The following TTC9B variants were observed in gnomAD, a reference collection of about 807,000 sequenced individuals.
The protein encoded by TTC9B is tetratricopeptide repeat domain 9B.
A neutral mutation model predicts 19.4 loss-of-function variants in TTC9B; 12 were observed. The observed-to-expected ratio is 0.62, with a 90% CI of 0.40 to 1.00. The LOEUF (loss-of-function observed/expected upper bound fraction) is 1.00. TTC9B is among the 50% of genes least tolerant of loss of function. The pLI is 0.00. For synonymous variants in TTC9B, 156 were observed against 158.6 expected (o/e 0.98, Z 0.12); for missense variants, 316 against 345.2 (o/e 0.92, Z 0.67).
At chr19:40,216,319 A>G (rs757150176) in intron 2 of TTC9B, 47 bp from the exon 3 acceptor site, 3 of 1,498,486 alleles carry the variant, frequency 2.0e-6, no homozygotes, top group East Asian at 2.3e-5. Context: ...CCGGGGCAGC[A>G]GGTGACTTCC....
At position 40,218,322 on chromosome 19, in the gene TTC9B, C is replaced by A. The variant is rs924508707; in HGVS notation, c.60G>T (p.Pro20=). The change falls in exon 1 of 3, where the codon CCG becomes CCT. Residue 20 remains proline, a synonymous_variant. Coordinates refer to ENST00000311308, the MANE Select transcript of TTC9B (RefSeq NM_152479.6). The surrounding 1 kb of genome is among the most constrained non-coding windows in gnomAD (Gnocchi z 4.2). ...GTGGGGAGAGGGCGGGAGGCGGGCG[C>A]GGCGGAGGCTCCGGGGCAGCGCTGA... is the stretch of plus-strand genomic sequence containing the variant. ...LMLSAAPEPP[P]RPPPALSPPG... The A allele has an allele frequency of 7.3e-7, 1 of 1,366,030 alleles. No individual in the cohort carries two copies. Among genetic ancestry groups the A allele is most frequent in the African/African-American group, 1.5e-5 (1 of 65,168 alleles). The allele number at this position is 1,366,030 out of a possible 1,614,324, so 84.6% of individuals were successfully genotyped here.
intron 1 of TTC9B, 71 bp downstream of exon 1, chr19:40,217,884 C>T: frequency 7.5e-7 from 1 of 1,341,784 alleles, no homozygotes; most frequent in Non-Finnish European, 9.7e-7. Context: ...GGCCCCTGGC[C>T]CCCAAGTCGC....
chr19:40,216,686 C>T (rs1973371884), intron 2 of TTC9B: 1 of 302,150 alleles, frequency 3.3e-6, no homozygotes, highest in African/African-American at 2.1e-5. Flanking sequence ...GTCTGCCCTC[C>T]TGCACTCATG....
chr19:40,218,306 G>A lies in TTC9B; in HGVS notation c.76C>T (p.Leu26Phe). ...PEPPPRPPPALSPPGSGPGSG... is the reference protein window; with the variant it reads ...PEPPPRPPPAFSPPGSGPGSG... ...CCTGGGCCCGAGCCCGGTGGGGAGA[G>A]GGCGGGAGGCGGGCGCGGCGGAGGC... Residue 26 changes from leucine (L) to phenylalanine (F), a missense_variant, in exon 1 of 3, where the codon CTC becomes TTC. By Grantham distance (22) the Leu-to-Phe change is conservative. Transcript: ENST00000311308. This position sits in a 1 kb window ranked among gnomAD's most constrained non-coding sequence, Gnocchi z 4.2. The A allele has an allele frequency of 4.3e-6, 6 of 1,381,778 alleles. No homozygotes were observed. The highest frequency in any genetic ancestry group is 3.9e-5 in the Admixed American group (1 of 25,448). 85.6% of individuals were successfully genotyped at this position (1,381,778 alleles called of 1,614,324 possible). A position where few individuals can be genotyped will look rare whatever the true frequency, so the allele number is the denominator to read the frequency against.
intron 2 of TTC9B, chr19:40,216,844 G>A: frequency 2.2e-6 from 1 of 448,996 alleles, no homozygotes; most frequent in Non-Finnish European, 4.1e-6. Flanking sequence ...CGGTAGGCAG[G>A]GGTGGGACGG....
chr19:40,217,967 C>T lies in TTC9B; in HGVS notation c.415G>A (p.Asp139Asn). 7.4e-7 allele frequency: 1 copy of T among 1,343,886 alleles called. No homozygotes were observed. The highest frequency in any genetic ancestry group is 1.3e-5 in the South Asian group (1 of 78,468). The allele number at this position is 1,343,886 out of a possible 1,614,324, so 83.2% of individuals were successfully genotyped here. ...LVESTEVECYDSLTACLLQSE... is the reference protein window; with the variant it reads ...LVESTEVECYNSLTACLLQSE... ...CCCGACGGCGTACCCGTGAGGGAGT[C>T]GTAACACTCCACCTCCGTGCTCTCC... The change falls in exon 1 of 3, where the codon GAC (aspartate) becomes AAC (asparagine). Residue 139 changes from aspartate to asparagine, a missense_variant. By Grantham distance (23) the Asp-to-Asn change is conservative (BLOSUM62 1). Coordinates refer to ENST00000311308, the MANE Select transcript of TTC9B (RefSeq NM_152479.6).
At chr19:40,217,784 C>G in intron 1 of TTC9B, 171 bp downstream of exon 1, 1 of 615,188 alleles carries the variant, frequency 1.6e-6, no homozygotes, top group Non-Finnish European at 2.6e-6. Context: ...CAGCCACAGA[C>G]CCCTGTCATC....
intron 1 of TTC9B, 29 bp from the exon 2 acceptor site, chr19:40,217,398 A>G: frequency 1.2e-6 from 2 of 1,603,310 alleles, no homozygotes; most frequent in Non-Finnish European, 1.7e-6. Flanking sequence ...CGGCACTCTC[A>G]GAGCCTGCTG....
intron 2 of TTC9B, chr19:40,216,486 C>A (rs1973369774): frequency 1.8e-6 from 1 of 553,436 alleles, no homozygotes; most frequent in Non-Finnish European, 3.2e-6. Context: ...ATTTGCGGCA[C>A]CCTCTGCCAG....
chr19:40,217,705 GA>G, intron 1 of TTC9B: 1 of 518,604 alleles, frequency 1.9e-6, no homozygotes, highest in African/African-American at 2.0e-5. Flanking sequence ...GGGGTGGAAA[GA>G]ATGACTCAGG....
intron 2 of TTC9B, 43 bp downstream of exon 2, chr19:40,217,144 G>T: frequency 6.4e-7 from 1 of 1,573,534 alleles, no homozygotes. Context: ...CCCTTTCCCC[G>T]CCCTGGGCCC....
Position 40,216,061 on chromosome 19 carries a change from T to A in TTC9B, c.*102A>T. On this transcript the variant is annotated 3_prime_UTR_variant, in exon 3 of 3. Coordinates refer to ENST00000311308, the MANE Select transcript of TTC9B (RefSeq NM_152479.6). ...CCCCCCAAGAACACCACACAAGTTA[T>A]GATCACCAGTGACAAGTGTTTTACC... 1.0e-6 allele frequency: 1 copy of A among 971,348 alleles called. No individual in the cohort carries two copies. The highest frequency in any genetic ancestry group is 2.4e-5 in the East Asian group (1 of 41,110). 60.2% of individuals were successfully genotyped at this position (971,348 alleles called of 1,614,324 possible). A position where few individuals can be genotyped will look rare whatever the true frequency, so the allele number is the denominator to read the frequency against.
Position 40,216,126 on chromosome 19 carries a change from G to A in TTC9B, c.*37C>T, listed in dbSNP as rs778221784. On this transcript the variant is annotated 3_prime_UTR_variant, in exon 3 of 3. Transcript: ENST00000311308. The stretch of plus-strand genomic sequence containing the variant: ...TCGGGGGAAGTTACATGGTGAGGTG[G>A]GAGGGCGAGGGATAGAGAGGTCCCC... The A allele has an allele frequency of 9.6e-5, 147 of 1,528,816 alleles. No individual in the cohort carries two copies. In the East Asian group the frequency reaches 3.1e-3, roughly 32 times the overall value. 94.7% of individuals were successfully genotyped at this position (1,528,816 alleles called of 1,614,324 possible). A position where few individuals can be genotyped will look rare whatever the true frequency, so the allele number is the denominator to read the frequency against.
intron 2 of TTC9B, 42 bp from the exon 3 acceptor site, chr19:40,216,314 G>A (rs777454253): frequency 7.8e-6 from 12 of 1,534,014 alleles, no homozygotes; most frequent in Admixed American, 1.7e-5. Context: ...GTGTCCCGGG[G>A]CAGCAGGTGA....
Position 40,217,384 on chromosome 19 carries a change from C to A in TTC9B, c.428-15G>T. 6.2e-7 allele frequency: 1 copy of A among 1,606,966 alleles called. No homozygotes were observed. Among genetic ancestry groups the A allele is most frequent in the Non-Finnish European group, 8.5e-7 (1 of 1,175,356 alleles). ...CAGCAGGCAAGCTGCGAGGGCCCCG[C>A]GGCCGGCACTCTCAGAGCCTGCTGG... On this transcript the variant is annotated splice_polypyrimidine_tract_variant and intron_variant, in intron 1 of 2. Transcript: ENST00000311308.
chr19:40,216,803 G>C lies in TTC9B; in HGVS notation c.610+384C>G, dbSNP rs1228525160. On this transcript the variant is annotated intron_variant, in intron 2 of 2. Transcript: ENST00000311308. The stretch of plus-strand genomic sequence containing the variant: ...GCAGGAAGTGAATGAATAGGTGTGC[G>C]TGAATGGGTGAGTGGAGGAATGAGT... 6 of 374,706 alleles carry C rather than the reference G, an allele frequency of 1.6e-5. No homozygotes were observed. The Admixed American group carries it at 2.4e-4, about 15-fold the overall frequency. 23.2% of individuals were successfully genotyped at this position (374,706 alleles called of 1,614,324 possible). A position where few individuals can be genotyped will look rare whatever the true frequency, so the allele number is the denominator to read the frequency against.
chr19:40,218,177 T>C lies in TTC9B; in HGVS notation c.205A>G (p.Lys69Glu). 6.3e-7 allele frequency: 1 copy of C among 1,576,812 alleles called. No homozygotes were observed. The highest frequency in any genetic ancestry group is 8.6e-7 in the Non-Finnish European group (1 of 1,165,392). ...DSSLRAAVAF[K>E]AEGQRCYREK... ...CGATAGCAGCGCTGGCCCTCTGCCT[T>C]GAACGCCACGGCGGCACGCAGGCTG... Residue 69 changes from lysine to glutamate, a missense_variant, in exon 1 of 3, where the codon AAG becomes GAG. Physicochemically the swap from Lys to Glu is moderately conservative, Grantham distance 56. Transcript: ENST00000311308. The surrounding 1 kb of genome is among the most constrained non-coding windows in gnomAD (Gnocchi z 4.2).
At position 40,216,134 on chromosome 19, in the gene TTC9B, A is replaced by G. The variant is rs779794925; in HGVS notation, c.*29T>C. ...AGTTACATGGTGAGGTGGGAGGGCG[A>G]GGGATAGAGAGGTCCCCCTGGATTG... On this transcript the variant is annotated 3_prime_UTR_variant, in exon 3 of 3. Transcript: ENST00000311308. 2 of 1,574,036 alleles carry G rather than the reference A, an allele frequency of 1.3e-6. No homozygotes were observed. The highest frequency in any genetic ancestry group is 2.2e-5 in the South Asian group (2 of 90,284).
intron 2 of TTC9B, chr19:40,216,751 G>A: frequency 3.4e-6 from 1 of 297,512 alleles, no homozygotes; most frequent in Non-Finnish European, 6.4e-6. Context: ...TCCTGGCATC[G>A]TCCACCCGAG....
Sources: gnomAD v4.1 joint callset for allele counts on GRCh38, gnomAD v4.1.1 for gene constraint, Gnocchi (gnomAD v3.1) non-coding constraint, MANE v1.5 for transcripts, NCBI Gene and HGNC (gene_info 2026-07-23, HGNC 2026-07-21) for gene names.